The following CACNA1E variants were observed in gnomAD, a reference collection of about 807,000 sequenced individuals.
CACNA1E encodes voltage-dependent R-type calcium channel subunit alpha-1E.
In CACNA1E, 40 loss-of-function variants were observed where a neutral mutation model predicts 259.2. That is an observed-to-expected ratio of 0.15 (90% confidence interval 0.12 to 0.20). The LOEUF is 0.20. CACNA1E is among the 10% of genes least tolerant of loss of function. The pLI, the probability that CACNA1E is intolerant of heterozygous loss-of-function variation, is 1.00. For synonymous variants in CACNA1E, 1,104 were observed against 1,138.5 expected, an observed-to-expected ratio of 0.97 and a Z score of 0.61; for missense variants, 1,874 against 3,040.1, an observed-to-expected ratio of 0.62 and a Z score of 9.02.
intron 3 of CACNA1E, among the ~76,000 whole-genome samples, chr1:181,522,687 A>G (rs1667078417): frequency 6.6e-6 from 1 of 152,188 alleles, no homozygotes; most frequent in Non-Finnish European, 1.5e-5. Flanking sequence ...TCTGTGAGTT[A>G]CATTCTACCC....
intron 40 of CACNA1E, among the ~76,000 whole-genome samples, 158 bp downstream of exon 40, chr1:181,783,942 G>A (rs1660642105): frequency 6.6e-6 from 1 of 152,178 alleles, no homozygotes; most frequent in African/African-American, 2.4e-5. Flanking sequence ...ACTAATAATT[G>A]CCCTTTCCTT....
intron 2 of CACNA1E, among the ~76,000 whole-genome samples, chr1:181,468,124 G>A (rs542378220): frequency 6.6e-6 from 1 of 152,178 alleles, no homozygotes; most frequent in Non-Finnish European, 1.5e-5. Context: ...CTAACAGAGA[G>A]CACTTCAACC....
At chr1:181,495,867 A>G (rs913153623) in intron 1 of CACNA1E, among the ~76,000 whole-genome samples, 7 of 152,364 alleles carry the variant, frequency 4.6e-5, no homozygotes, top group African/African-American at 7.2e-5. Flanking sequence ...AACATTTACT[A>G]TGTGTCAGAA....
chr1:181,419,086 T>G (rs966419495), intron 2 of CACNA1E, among the ~76,000 whole-genome samples: 6 of 152,106 alleles, frequency 3.9e-5, no homozygotes, highest in African/African-American at 1.4e-4. Context: ...CAGCTAAAGA[T>G]CCTTACTTTT....
chr1:181,449,984 A>C (rs759847894), intron 2 of CACNA1E, among the ~76,000 whole-genome samples: 6 of 152,154 alleles, frequency 3.9e-5, no homozygotes, highest in Non-Finnish European at 7.3e-5. Flanking sequence ...GTAATTTATG[A>C]AGAAAAGAGG....
At chr1:181,350,277 G>T (rs2102668068) in intron 1 of CACNA1E, among the ~76,000 whole-genome samples, 1 of 152,318 alleles carries the variant, frequency 6.6e-6, no homozygotes, top group Middle Eastern at 3.4e-3. Context: ...CACTCCCGTG[G>T]AGCCTTCGCG....
At chr1:181,750,989 A>AG (rs1490757152) in intron 26 of CACNA1E, among the ~76,000 whole-genome samples, 2 of 149,216 alleles carry the variant, frequency 1.3e-5, no homozygotes, top group Middle Eastern at 3.4e-3. Flanking sequence ...GGGGTGGGGT[A>AG]GGGGGGTAGG....
rs557339829 is a variant in CACNA1E at position 181,671,296 on chromosome 1, G to A, written c.1055+19855G>A. The stretch of plus-strand genomic sequence containing the variant: ...CTGCCTTGGCCTCCCAAAGTGCTGG[G>A]ATTACAGGCGTGATCTACTGCGTCC... On this transcript the variant is annotated intron_variant, in intron 7 of 47. Coordinates refer to ENST00000367573, the MANE Select transcript of CACNA1E (RefSeq NM_001205293.3). Among the ~76,000 whole-genome samples the A allele has an allele frequency of 6.6e-5, 10 of 152,276 alleles. No individual in the cohort carries two copies. The South Asian group carries it at 1.7e-3, about 25-fold the overall frequency.
chr1:181,678,935 T>C lies in CACNA1E; in HGVS notation c.1055+27494T>C, dbSNP rs1473303416. On this transcript the variant is annotated intron_variant, in intron 7 of 47. Coordinates refer to ENST00000367573, the MANE Select transcript of CACNA1E (RefSeq NM_001205293.3). ...CTAGCCTCCTGTGAAACATGAATTT[T>C]CTATTATTCATTTTTATCTTTGAGT... Among the ~76,000 whole-genome samples, 4 of 152,240 alleles carry C rather than the reference T, an allele frequency of 2.6e-5. No homozygotes were observed. In the East Asian group the frequency reaches 5.8e-4, roughly 22 times the overall value.
intron 1 of CACNA1E, among the ~76,000 whole-genome samples, chr1:181,506,019 G>T (rs1011663268): frequency 6.6e-6 from 1 of 152,172 alleles, no homozygotes; most frequent in Non-Finnish European, 1.5e-5. Context: ...AAGCAATCTG[G>T]ATACCAGGGA....
chr1:181,568,582 C>T (rs1650081945), intron 3 of CACNA1E, among the ~76,000 whole-genome samples: 1 of 143,062 alleles, frequency 7.0e-6, no homozygotes, highest in African/African-American at 2.7e-5. Context: ...CTCTTCAGAT[C>T]TGTTCATTCA....
intron 1 of CACNA1E, among the ~76,000 whole-genome samples, chr1:181,324,269 C>T (rs1258120000): frequency 6.6e-6 from 1 of 152,016 alleles, no homozygotes; most frequent in African/African-American, 2.4e-5. Context: ...AAAAATCAGA[C>T]CGTAATGAAT....
At chr1:181,398,437 T>C (rs1656851992) in intron 1 of CACNA1E, among the ~76,000 whole-genome samples, 2 of 152,210 alleles carry the variant, frequency 1.3e-5, no homozygotes, top group Non-Finnish European at 2.9e-5. Context: ...AATAAATCTA[T>C]TGGAGGAAAG....
intron 3 of CACNA1E, among the ~76,000 whole-genome samples, chr1:181,536,751 C>G (rs199878506): frequency 1.3e-5 from 2 of 152,106 alleles, no homozygotes; most frequent in East Asian, 3.9e-4. Flanking sequence ...CTTTGATGAC[C>G]AGTCCCCTGG....
intron 38 of CACNA1E, among the ~76,000 whole-genome samples, chr1:181,778,365 T>G (rs1218878102): frequency 6.6e-6 from 1 of 152,178 alleles, no homozygotes; most frequent in Non-Finnish European, 1.5e-5. Flanking sequence ...GAGGTACTGA[T>G]GAGCTGCTAT....
At chr1:181,769,198 C>CTCT (rs1274250721) in intron 35 of CACNA1E, among the ~76,000 whole-genome samples, 1 of 152,082 alleles carries the variant, frequency 6.6e-6, no homozygotes, top group East Asian at 1.9e-4. Flanking sequence ...CTTCACAAGT[C>CTCT]TCTTCTAGTT....
chr1:181,749,474 A>G (rs998481328), intron 25 of CACNA1E, among the ~76,000 whole-genome samples: 7 of 152,198 alleles, frequency 4.6e-5, no homozygotes, highest in African/African-American at 1.7e-4. Flanking sequence ...GCTGATGCAG[A>G]GCCTTAGTGG....
chr1:181,355,316 G>C (rs948804283), intron 1 of CACNA1E, among the ~76,000 whole-genome samples: 1 of 152,208 alleles, frequency 6.6e-6, no homozygotes, highest in South Asian at 2.1e-4. Context: ...GGCCGGGCAT[G>C]GTGGCTCATG....
intron 38 of CACNA1E, among the ~76,000 whole-genome samples, chr1:181,777,660 G>A (rs1572872273): frequency 6.6e-6 from 1 of 152,266 alleles, no homozygotes. Flanking sequence ...AACCACTCTG[G>A]GCTTCTTTAC....
Sources: gnomAD v4.1 joint callset for allele counts (sites outside exome capture counted in the v4.1 genomes callset) on GRCh38, gnomAD v4.1.1 for gene constraint, MANE v1.5 for transcripts, NCBI Gene and HGNC (gene_info 2026-07-23, HGNC 2026-07-21) for gene names.